Variants in CIITA observed in about 807,000 individuals in gnomAD.
The protein encoded by CIITA is class II major histocompatibility complex transactivator.
Under a neutral mutation model 115.1 loss-of-function variants are expected in CIITA, and 72 were observed. The observed-to-expected ratio is 0.63, with a 90% CI of 0.52 to 0.76. The LOEUF is 0.76. CIITA is among the 30% of genes least tolerant of loss of function. CIITA has a pLI of 0.00. For synonymous variants in CIITA, 763 were observed against 635.6 expected (o/e 1.20, Z -3.02); for missense variants, 1,617 against 1,463.8 (o/e 1.10, Z -1.71).
chr16:10,929,382 G>A lies in CIITA; in HGVS notation c.*5527G>A. 1.0e-6 allele frequency: 1 copy of A among 985,846 alleles called. No homozygotes were observed. The highest frequency in any genetic ancestry group is 1.2e-6 in the Non-Finnish European group (1 of 829,908). 61.1% of individuals were successfully genotyped at this position (985,846 alleles called of 1,614,324 possible). A position where few individuals can be genotyped will look rare whatever the true frequency, so the allele number is the denominator to read the frequency against. ...GCAGCTGCAAATAATCAGAAGCCAA[G>A]GCCAGGCCATCGATTTGACACTGCA... On this transcript the variant is annotated 3_prime_UTR_variant, in exon 20 of 20. Coordinates refer to ENST00000324288, the MANE Select transcript of CIITA (RefSeq NM_000246.4). The surrounding 1 kb of genome is among the most constrained non-coding windows in gnomAD (Gnocchi z 4.3).
rs1427439897 is a variant in CIITA, at chr16:10,922,236, C to T, written c.3219C>T (p.Ser1073=). 5 of 1,614,090 alleles carry T rather than the reference C, an allele frequency of 3.1e-6. No individual in the cohort carries two copies. Among genetic ancestry groups the T allele is most frequent in the East Asian group, 2.2e-5 (1 of 44,900 alleles). Reference sequence around the variant, plus strand: ...CTCGTGTGCTTCCGGACATGGTGTCCCTCCGGGTGATGGAGTGAGTGTGGG... The same window carrying T: ...CTCGTGTGCTTCCGGACATGGTGTCTCTCCGGGTGATGGAGTGAGTGTGGG... ...SLARVLPDMV[S]LRVMDVQYNK... The change falls in exon 17 of 20, where the codon TCC becomes TCT. Residue 1073 remains serine, a synonymous_variant. Transcript: ENST00000324288.
chr16:10,920,211 G>A lies in CIITA; in HGVS notation c.3149+1685G>A, dbSNP rs549233207. On this transcript the variant is annotated intron_variant, in intron 16 of 19. Coordinates refer to ENST00000324288, the MANE Select transcript of CIITA (RefSeq NM_000246.4). The surrounding 1 kb of genome is among the most constrained non-coding windows in gnomAD (Gnocchi z 4.5). ...GTGAATGGAAAAGTAGGTGGGCCTG[G>A]GAAGGCGACACTTGATCTGATTTAC... Among the ~76,000 whole-genome samples, 16 of 152,120 alleles carry A rather than the reference G, an allele frequency of 1.1e-4. No individual in the cohort carries two copies. Among genetic ancestry groups the A allele is most frequent in the Non-Finnish European group, 2.1e-4 (14 of 68,024 alleles).
intron 3 of CIITA, 33 bp from the exon 4 acceptor site, chr16:10,898,637 G>T: frequency 6.3e-7 from 1 of 1,590,066 alleles, no homozygotes; most frequent in Non-Finnish European, 8.6e-7. Flanking sequence ...GTTAGACCTT[G>T]TTGATTGACT....
In CIITA at chr16:10,929,183, G is replaced by A; in HGVS notation, c.*5328G>A. 2.0e-6 allele frequency: 2 copies of A among 983,560 alleles called. No homozygotes were observed. Among genetic ancestry groups the A allele is most frequent in the South Asian group, 4.7e-5 (1 of 21,238 alleles). 60.9% of individuals were successfully genotyped at this position (983,560 alleles called of 1,614,324 possible). A position where few individuals can be genotyped will look rare whatever the true frequency, so the allele number is the denominator to read the frequency against. Reference sequence around the variant, plus strand: ...GTCGCTGCATCTAAGACCAGCCTCGGGCTAAACCCAGCTGGCCTGAAGGCT... The same window carrying A: ...GTCGCTGCATCTAAGACCAGCCTCGAGCTAAACCCAGCTGGCCTGAAGGCT... On this transcript the variant is annotated 3_prime_UTR_variant, in exon 20 of 20. Coordinates refer to ENST00000324288, the MANE Select transcript of CIITA (RefSeq NM_000246.4). The surrounding 1 kb of genome is among the most constrained non-coding windows in gnomAD (Gnocchi z 4.3).
chr16:10,886,057 C>CTTTTTTTTTTTTTTTTTTTTTTTTT (rs71133402), intron 1 of CIITA, among the ~76,000 whole-genome samples: 1 of 132,182 alleles, frequency 7.6e-6, no homozygotes. Flanking sequence ...CATGTTTTGC[C>CTTTTTTTTTTTTTTTTTTTTTTTTT]TTTTTTTTTT....
chr16:10,915,193 G>T, intron 13 of CIITA: 1 of 387,714 alleles, frequency 2.6e-6, no homozygotes, highest in Non-Finnish European at 5.0e-6. Flanking sequence ...TGAGACCACA[G>T]GACACACCAC....
chr16:10,909,270 ATTTCCAGTGCCCCCTGTCCT>A, intron 12 of CIITA, 83 bp downstream of exon 12: 1 of 1,435,850 alleles, frequency 7.0e-7, no homozygotes, highest in Non-Finnish European at 9.8e-7. Context: ...TGTCATGGGC[ATTTCCAGTGCCCCCTGTCCT>A]CTGGGACACC....
rs759652613 is a variant in CIITA at position 10,907,983 on chromosome 16, G to T, written c.2491G>T (p.Gly831Cys). 1.3e-6 allele frequency: 2 copies of T among 1,585,716 alleles called. No individual in the cohort carries two copies. The highest frequency in any genetic ancestry group is 1.7e-5 in the Admixed American group (1 of 57,346). ...GCAGCACGTGGTACAGGAGCTCCCC[G>T]GCCGCCTCTCTTTTCTGGGCACCCG... ...IWQHVVQELPGRLSFLGTRLT... is the reference protein window; with the variant it reads ...IWQHVVQELPCRLSFLGTRLT... The change falls in exon 11 of 20, where the codon GGC becomes TGC. Residue 831 changes from glycine (G) to cysteine (C), a missense_variant. Transcript: ENST00000324288. The surrounding 1 kb of genome is among the most constrained non-coding windows in gnomAD (Gnocchi z 5.0).
At position 10,909,026 on chromosome 16, in the gene CIITA, C is replaced by T; in HGVS notation, c.2658-3C>T. The T allele has an allele frequency of 6.2e-7, 1 of 1,614,162 alleles. No individual in the cohort carries two copies. The highest frequency in any genetic ancestry group is 1.1e-5 in the South Asian group (1 of 91,084). On this transcript the variant is annotated splice_polypyrimidine_tract_variant and splice_region_variant and intron_variant, in intron 11 of 19. Coordinates refer to ENST00000324288, the MANE Select transcript of CIITA (RefSeq NM_000246.4). ...GCCTGGGTCTGAGGCCCTCCCTCCACAGGGCTGCCTTGAGCGACACGGTGG... is the reference window on the plus strand; with the variant it reads ...GCCTGGGTCTGAGGCCCTCCCTCCATAGGGCTGCCTTGAGCGACACGGTGG...
In CIITA at chr16:10,907,458, G is replaced by T; in HGVS notation, c.1966G>T (p.Ala656Ser). The change falls in exon 11 of 20, where the codon GCC becomes TCC. Residue 656 changes from alanine to serine, a missense_variant. Ala to Ser is a moderately conservative substitution (Grantham distance 99). Coordinates refer to ENST00000324288, the MANE Select transcript of CIITA (RefSeq NM_000246.4). The surrounding 1 kb of genome is among the most constrained non-coding windows in gnomAD (Gnocchi z 5.0). The stretch of plus-strand genomic sequence containing the variant: ...TGCAGCCCTCGACAGCCCCCCCGGG[G>T]CCCTGGCAGAGCTGGCCAAGCTGGC... ...GRAALDSPPG[A>S]LAELAKLAWE... The T allele has an allele frequency of 1.2e-6, 2 of 1,613,434 alleles. No homozygotes were observed. Among genetic ancestry groups the T allele is most frequent in the East Asian group, 2.2e-5 (1 of 44,874 alleles).
chr16:10,874,923 C>T (rs201591451), upstream of CIITA, among the ~76,000 whole-genome samples: 20 of 152,240 alleles, frequency 1.3e-4, no homozygotes, highest in East Asian at 3.1e-3. Flanking sequence ...GCGCCTCTCC[C>T]GTGGCACCAG....
At chr16:10,876,227 C>T (rs1350855233), upstream of CIITA, among the ~76,000 whole-genome samples, 5 of 152,310 alleles carry the variant, frequency 3.3e-5, no homozygotes, top group East Asian at 7.7e-4. Flanking sequence ...GTTGCCCAGG[C>T]TAGCCTCCAA....
chr16:10,908,327 G>T (rs780560111), intron 11 of CIITA, 178 bp downstream of exon 11: 2 of 782,536 alleles, frequency 2.6e-6, no homozygotes, highest in South Asian at 2.9e-5. Flanking sequence ...GCAGCCACTT[G>T]CCACACAGCA....
At chr16:10,869,453 C>G (rs1322752756) in intron 1 of CIITA, among the ~76,000 whole-genome samples, 1 of 152,036 alleles carries the variant, frequency 6.6e-6, no homozygotes, top group African/African-American at 2.4e-5. Flanking sequence ...CTGCCCTGAC[C>G]AAGCCATTTA....
Position 10,932,568 on chromosome 16 carries a change from C to T in CIITA, c.*8713C>T, listed in dbSNP as rs1433766098. On this transcript the variant is annotated 3_prime_UTR_variant, in exon 20 of 20. Transcript: ENST00000324288. ...ATGGGGGTATCCAATCTTTTGGCTTCCCTGGGCCACAGTGGAAGAACTGTC... is the reference window on the plus strand; with the variant it reads ...ATGGGGGTATCCAATCTTTTGGCTTTCCTGGGCCACAGTGGAAGAACTGTC... 1 of 151,976 alleles carries T rather than the reference C, an allele frequency of 6.6e-6. No individual in the cohort carries two copies. The highest frequency in any genetic ancestry group is 1.5e-5 in the Non-Finnish European group (1 of 68,034). 9.4% of individuals were successfully genotyped at this position (151,976 alleles called of 1,614,324 possible).
Position 10,908,027 on chromosome 16 carries a change from A to C in CIITA, c.2535A>C (p.Ala845=), listed in dbSNP as rs2039298286. 6.2e-7 allele frequency: 1 copy of C among 1,610,994 alleles called. No individual in the cohort carries two copies. The highest frequency in any genetic ancestry group is 1.3e-5 in the African/African-American group (1 of 74,872). The change falls in exon 11 of 20, where the codon GCA becomes GCC. Residue 845 remains alanine, a synonymous_variant. Coordinates refer to ENST00000324288, the MANE Select transcript of CIITA (RefSeq NM_000246.4). ...GCACCCGCCTCACGCCTCCTGATGC[A>C]CATGTACTGGGCAAGGCCTTGGAGG... ...FLGTRLTPPD[A]HVLGKALEAA...
At chr16:10,890,661 CAA>C (rs2144072768) in intron 1 of CIITA, among the ~76,000 whole-genome samples, 1 of 152,272 alleles carries the variant, frequency 6.6e-6, no homozygotes, top group East Asian at 1.9e-4. Context: ...CTCGGCTTCA[CAA>C]AGTTTGACCT....
chr16:10,896,676 C>T lies in CIITA; in HGVS notation c.295+912C>T, dbSNP rs73501305. ...GGCTAGCAAAGTGCAAGCCGGAGTC[C>T]TGCCCCCATTTTCCTTGTTGGCTTG... On this transcript the variant is annotated intron_variant, in intron 3 of 19. Transcript: ENST00000324288. 2.3e-3 allele frequency among the ~76,000 whole-genome samples: 356 copies of T among 152,358 alleles called. 1 individual carries two copies. The highest frequency in any genetic ancestry group is 7.8e-3 in the African/African-American group (323 of 41,586).
intron 3 of CIITA, among the ~76,000 whole-genome samples, chr16:10,896,420 G>C (rs752984403): frequency 3.9e-5 from 6 of 152,238 alleles, no homozygotes; most frequent in Non-Finnish European, 7.3e-5. Flanking sequence ...GGCTTAAGCA[G>C]AGAAGCTAAT....
Sources: allele counts gnomAD v4.1 joint callset (sites outside exome capture counted in the v4.1 genomes callset), GRCh38; gene constraint gnomAD v4.1.1; non-coding constraint Gnocchi (gnomAD v3.1); transcripts MANE v1.5; gene names NCBI Gene and HGNC (gene_info 2026-07-23, HGNC 2026-07-21).